The following KCTD1 variants were observed in gnomAD, a reference collection of about 807,000 sequenced individuals.
The protein encoded by KCTD1 is potassium channel tetramerization domain containing 1, also known as BTB/POZ domain-containing protein KCTD1.
Under a neutral mutation model 66.0 loss-of-function variants are expected in KCTD1, and 24 were observed. The ratio of observed to expected loss-of-function variants is 0.36; its 90% CI spans 0.26 to 0.51. The LOEUF (loss-of-function observed/expected upper bound fraction) is 0.51, where lower values mean the gene tolerates loss of function less well. KCTD1 is among the 20% of genes least tolerant of loss of function. KCTD1 has a pLI of 0.95. For missense variants in KCTD1, 943 were observed against 1,205.2 expected (o/e 0.78, Z 3.22); for synonymous variants, 511 against 517.2 (o/e 0.99, Z 0.16).
At chr18:26,536,706 T>C (rs1298787282) in intron 1 of KCTD1, among the ~76,000 whole-genome samples, 1 of 152,196 alleles carries the variant, frequency 6.6e-6, no homozygotes, top group East Asian at 1.9e-4. Flanking sequence ...TTCTAAGTTA[T>C]TCTTCACCTC....
chr18:26,526,303 T>C (rs924550501), intron 1 of KCTD1, among the ~76,000 whole-genome samples: 1 of 152,164 alleles, frequency 6.6e-6, no homozygotes, highest in Middle Eastern at 3.2e-3. Context: ...TGAACCTCCC[T>C]GGGCCTCAAG....
chr18:26,629,094 G>T, intron 1 of KCTD1: 1 of 846,148 alleles, frequency 1.2e-6, no homozygotes, highest in Non-Finnish European at 1.4e-6. Flanking sequence ...TTTGCAGATG[G>T]CAACAAATCT....
intron 1 of KCTD1, among the ~76,000 whole-genome samples, chr18:26,564,201 T>G (rs915318147): frequency 4.6e-5 from 7 of 152,206 alleles, no homozygotes; most frequent in Admixed American, 3.3e-4. Flanking sequence ...TAACTCAGAC[T>G]GAGCATGGAC....
intron 4 of KCTD1, chr18:26,459,023 G>A (rs969303437): frequency 6.6e-6 from 1 of 152,368 alleles, no homozygotes; most frequent in African/African-American, 2.4e-5. Flanking sequence ...TAGGGCACTT[G>A]CCACCTCCTA....
intron 1 of KCTD1, among the ~76,000 whole-genome samples, chr18:26,602,864 T>C (rs1265183695): frequency 6.6e-6 from 1 of 152,240 alleles, no homozygotes; most frequent in Non-Finnish European, 1.5e-5. Flanking sequence ...TTTATTTCTC[T>C]TTCATTTGAT....
chr18:26,635,625 A>T lies in KCTD1; in HGVS notation c.-107+4686T>A, dbSNP rs956915874. Among the ~76,000 whole-genome samples, 5 of 152,194 alleles carry T rather than the reference A, an allele frequency of 3.3e-5. No homozygotes were observed. In the East Asian group the frequency reaches 9.6e-4, roughly 29 times the overall value. On this transcript the variant is annotated intron_variant, in intron 1 of 5. Coordinates refer to the KCTD1 transcript ENST00000579973. ...CTCCTCTAACTTAACTGTGACACAG[A>T]TCCCCCCAGGGATCTTGTTAAAAAC...
intron 1 of KCTD1, among the ~76,000 whole-genome samples, chr18:26,524,511 C>T (rs1405486442): frequency 2.0e-5 from 3 of 152,212 alleles, no homozygotes; most frequent in Admixed American, 2.0e-4. Flanking sequence ...CCCAAAGTCA[C>T]TCAGGCTCAG....
At position 26,546,750 on chromosome 18, in the gene KCTD1, G is replaced by C. The variant is rs1347217306; in HGVS notation, c.1787C>G (p.Pro596Arg). 1 of 1,549,734 alleles carries C rather than the reference G, an allele frequency of 6.5e-7. No homozygotes were observed. Among genetic ancestry groups the C allele is most frequent in the Non-Finnish European group, 8.7e-7 (1 of 1,146,338 alleles). ...TACCTGGGTGGGGGAAACAATAGCA[G>C]GTGAAACTATTGTGGGAGAATTGGT... is the stretch of plus-strand genomic sequence containing the variant. ...RSTNSPTIVS[P>R]AIVSPTQDSR... Residue 596 changes from proline to arginine, a missense_variant, in exon 1 of 5, where the codon CCT (proline) becomes CGT (arginine). By Grantham distance (103) the Pro-to-Arg change is moderately radical. Coordinates refer to ENST00000580059, the MANE Select transcript of KCTD1 (RefSeq NM_001142730.3).
At chr18:26,629,092 T>C (rs1241358321) in intron 1 of KCTD1, 2 of 836,184 alleles carry the variant, frequency 2.4e-6, no homozygotes, top group African/African-American at 3.7e-5. Context: ...GCTTTGCAGA[T>C]GGCAACAAAT....
chr18:26,639,859 T>C (rs572809416), intron 1 of KCTD1, among the ~76,000 whole-genome samples: 1 of 152,310 alleles, frequency 6.6e-6, no homozygotes, highest in East Asian at 1.9e-4. Flanking sequence ...TTCCGAATCC[T>C]TGGGCCACAC....
intron 1 of KCTD1, among the ~76,000 whole-genome samples, chr18:26,585,296 C>A (rs1898977669): frequency 6.6e-6 from 1 of 152,192 alleles, no homozygotes; most frequent in Admixed American, 6.5e-5. Context: ...CATTATCTAA[C>A]CATATTGGTA....
At chr18:26,546,358 T>C (rs987110125) in intron 1 of KCTD1, among the ~76,000 whole-genome samples, 3 of 152,220 alleles carry the variant, frequency 2.0e-5, no homozygotes, top group Non-Finnish European at 4.4e-5. Flanking sequence ...GATTCAAATA[T>C]GTCTTAAGTA....
chr18:26,649,696 G>T (rs1987993685), intron 1 of KCTD1, among the ~76,000 whole-genome samples: 1 of 152,136 alleles, frequency 6.6e-6, no homozygotes, highest in Non-Finnish European at 1.5e-5. Context: ...TTTTCGTAGA[G>T]ATGGGGTTTC....
At chr18:26,457,985 CCT>C (rs1193649229) in intron 4 of KCTD1, 1 of 152,330 alleles carries the variant, frequency 6.6e-6, no homozygotes, top group Non-Finnish European at 1.5e-5. Flanking sequence ...TGGTTCTGCC[CCT>C]CTGTCTGCTC....
At chr18:26,578,470 AAT>A (rs1160658542) in intron 1 of KCTD1, among the ~76,000 whole-genome samples, 3 of 152,188 alleles carry the variant, frequency 2.0e-5, no homozygotes, top group Non-Finnish European at 2.9e-5. Flanking sequence ...CTGCCTGAAG[AAT>A]TATAAAGAAC....
intron 3 of KCTD1, among the ~76,000 whole-genome samples, chr18:26,470,385 T>G (rs1228023025): frequency 6.6e-6 from 1 of 152,206 alleles, no homozygotes. Context: ...CAGAGTCTTG[T>G]GAGTTGAAAA....
chr18:26,573,118 C>G (rs1598947515), intron 1 of KCTD1, among the ~76,000 whole-genome samples: 1 of 151,712 alleles, frequency 6.6e-6, no homozygotes, highest in Admixed American at 6.6e-5. Context: ...TTCATAACAC[C>G]TTACCATCCT....
At chr18:26,583,657 T>C (rs1236703847) in intron 1 of KCTD1, among the ~76,000 whole-genome samples, 1 of 152,280 alleles carries the variant, frequency 6.6e-6, no homozygotes, top group African/African-American at 2.4e-5. Context: ...TTATTTCATC[T>C]GATGCTGCTA....
chr18:26,465,113 C>G (rs1980651406), intron 3 of KCTD1, among the ~76,000 whole-genome samples: 1 of 152,090 alleles, frequency 6.6e-6, no homozygotes, highest in Non-Finnish European at 1.5e-5. Context: ...AATGGAGTTT[C>G]TCTCTCCTTG....
Sources: allele counts gnomAD v4.1 joint callset (sites outside exome capture counted in the v4.1 genomes callset), GRCh38; gene constraint gnomAD v4.1.1; transcripts MANE v1.5; gene names NCBI Gene and HGNC (gene_info 2026-07-23, HGNC 2026-07-21).